The following CACNA1C variants were observed in gnomAD, a reference collection of about 807,000 sequenced individuals.
CACNA1C encodes the protein voltage-dependent L-type calcium channel subunit alpha-1C.
CACNA1C carries 30 observed loss-of-function variants against 229.0 expected under a neutral mutation model. The ratio of observed to expected loss-of-function variants is 0.13; its 90% confidence interval spans 0.10 to 0.18. The LOEUF is 0.18. CACNA1C is among the 10% of genes least tolerant of loss of function. The probability of loss-of-function intolerance (pLI) is 1.00; values close to 1 mark genes in which losing one functional copy is unlikely to be tolerated. For synonymous variants in CACNA1C, 1,114 were observed against 1,132.5 expected, an observed-to-expected ratio of 0.98 and a Z score of 0.33; for missense variants, 1,658 against 2,845.0, an observed-to-expected ratio of 0.58 and a Z score of 9.49.
intron 3 of CACNA1C, among the ~76,000 whole-genome samples, chr12:2,303,565 G>T (rs549161472): frequency 6.6e-6 from 1 of 151,900 alleles, no homozygotes. Flanking sequence ...AGGAGTTCGC[G>T]ACCAGCCCGG....
upstream of CACNA1C, among the ~76,000 whole-genome samples, chr12:2,052,701 C>G (rs2052577142): frequency 6.9e-6 from 1 of 145,652 alleles, no homozygotes; most frequent in Non-Finnish European, 1.5e-5. Context: ...CCTCGCCCGC[C>G]GGCGGCCGGG....
chr12:2,171,426 G>A (rs573306921), intron 3 of CACNA1C, among the ~76,000 whole-genome samples: 7 of 152,308 alleles, frequency 4.6e-5, no homozygotes, highest in African/African-American at 1.7e-4. Flanking sequence ...GGAGGGATGA[G>A]CATTCTGCAG....
chr12:2,357,961 ACT>A (rs2097429598), intron 3 of CACNA1C, among the ~76,000 whole-genome samples: 1 of 132,774 alleles, frequency 7.5e-6, no homozygotes, highest in African/African-American at 2.9e-5. Context: ...CAAGAGTGAA[ACT>A]CAGTCTCAAA....
chr12:2,493,102 C>A lies in CACNA1C; in HGVS notation c.917-88C>A. 8.7e-7 allele frequency: 1 copy of A among 1,145,426 alleles called. No homozygotes were observed. Among genetic ancestry groups the A allele is most frequent in the Non-Finnish European group, 1.3e-6 (1 of 771,992 alleles). 71.0% of individuals were successfully genotyped at this position (1,145,426 alleles called of 1,614,324 possible). On this transcript the variant is annotated intron_variant, in intron 6 of 46. Coordinates refer to ENST00000399655, the MANE Select transcript of CACNA1C (RefSeq NM_000719.7). This position sits in a 1 kb window ranked among gnomAD's most constrained non-coding sequence, Gnocchi z 4.6. ...GCTTTGCCCATCCCATCAACCTCAT[C>A]CTGTCACTTTTCTCTCTGACTTCTT...
At chr12:2,542,195 C>G (rs2099872257) in intron 9 of CACNA1C, among the ~76,000 whole-genome samples, 1 of 152,194 alleles carries the variant, frequency 6.6e-6, no homozygotes, top group African/African-American at 2.4e-5. Flanking sequence ...GCCAAAACCC[C>G]TTCTGGAGTC....
chr12:2,574,289 C>T (rs1168669433), intron 13 of CACNA1C, among the ~76,000 whole-genome samples: 1 of 152,164 alleles, frequency 6.6e-6, no homozygotes, highest in African/African-American at 2.4e-5. Flanking sequence ...CTTGGTGCTG[C>T]CCAGATTCAA....
intron 3 of CACNA1C, among the ~76,000 whole-genome samples, chr12:2,435,887 T>C (rs1276644377): frequency 6.6e-6 from 1 of 152,208 alleles, no homozygotes; most frequent in African/African-American, 2.4e-5. Context: ...TCGTGCCATG[T>C]ACCAACATCC....
intron 1 of CACNA1C, among the ~76,000 whole-genome samples, chr12:2,065,158 G>T (rs1336010777): frequency 6.6e-6 from 1 of 152,216 alleles, no homozygotes; most frequent in Non-Finnish European, 1.5e-5. Flanking sequence ...ATATCTGGCT[G>T]CCTGAGACAT....
intron 9 of CACNA1C, among the ~76,000 whole-genome samples, chr12:2,526,872 G>A (rs577796740): frequency 3.3e-5 from 5 of 152,148 alleles, no homozygotes; most frequent in South Asian, 4.2e-4. Context: ...TAGTTCCTCC[G>A]ACTGAAGAAA....
intron 46 of CACNA1C, 69 bp from the exon 47 acceptor site, chr12:2,690,830 TC>T: frequency 7.0e-7 from 1 of 1,434,114 alleles, no homozygotes; most frequent in Non-Finnish European, 9.3e-7. Context: ...GCTCTAGCCC[TC>T]AAGGGAAGAG....
chr12:2,686,111 C>A lies in CACNA1C; in HGVS notation c.5681-55C>A, dbSNP rs2097463466. 6 of 1,392,994 alleles carry A rather than the reference C, an allele frequency of 4.3e-6. No homozygotes were observed. The Admixed American group carries it at 5.0e-5, about 12-fold the overall frequency. 86.3% of individuals were successfully genotyped at this position (1,392,994 alleles called of 1,614,324 possible). A position where few individuals can be genotyped will look rare whatever the true frequency, so the allele number is the denominator to read the frequency against. On this transcript the variant is annotated intron_variant, in intron 44 of 46. Transcript: ENST00000399655. The stretch of plus-strand genomic sequence containing the variant: ...CACCCCACCAGGGTGTAAACTGTCA[C>A]AGGCCAGTGCCCTGTTTTCCTGCCC...
At chr12:2,455,731 G>A (rs185183287) in intron 4 of CACNA1C, among the ~76,000 whole-genome samples, 93 of 152,152 alleles carry the variant, frequency 6.1e-4, no homozygotes, top group African/African-American at 1.9e-3. Context: ...CCCAGCGGTC[G>A]GTGTCCAGCC....
intron 3 of CACNA1C, among the ~76,000 whole-genome samples, chr12:2,400,565 G>A (rs910235710): frequency 1.6e-4 from 25 of 152,158 alleles, no homozygotes; most frequent in Admixed American, 1.2e-3. Context: ...GGGCTGCTAC[G>A]AATACAGAAC....
intron 1 of CACNA1C, among the ~76,000 whole-genome samples, chr12:1,976,567 G>A (rs765655315): frequency 2.0e-5 from 3 of 152,132 alleles, no homozygotes; most frequent in Non-Finnish European, 4.4e-5. Context: ...TTAAGGTCTT[G>A]TCTTCCTGGG....
rs959977721 is a variant in CACNA1C, at chr12:2,054,038, AGC to A, written c.49+440_49+441del. Reference sequence around the variant, plus strand: ...TCGCCCGGCTCGGGGCGCGGCTGGGAGCGCGCGCGCGCGCACCCTGCGCCGGC... The same window carrying A: ...TCGCCCGGCTCGGGGCGCGGCTGGGAGCGCGCGCGCGCACCCTGCGCCGGC... On this transcript the variant is annotated intron_variant, in intron 1 of 46. Coordinates refer to ENST00000399655, the MANE Select transcript of CACNA1C (RefSeq NM_000719.7). The surrounding 1 kb of genome is among the most constrained non-coding windows in gnomAD (Gnocchi z 5.5). Among the ~76,000 whole-genome samples, 6 of 145,872 alleles carry A rather than the reference AGC, an allele frequency of 4.1e-5. No individual in the cohort carries two copies. The highest frequency in any genetic ancestry group is 2.1e-4 in the South Asian group (1 of 4,776).
At chr12:2,604,306 T>C (rs1390510322) in intron 22 of CACNA1C, among the ~76,000 whole-genome samples, 4 of 152,128 alleles carry the variant, frequency 2.6e-5, no homozygotes, top group African/African-American at 4.8e-5. Context: ...GAAAAACTTT[T>C]GCTTCTGAGA....
At chr12:2,019,577 A>AAG (rs1166962435) in intron 1 of CACNA1C, among the ~76,000 whole-genome samples, 7 of 117,426 alleles carry the variant, frequency 6.0e-5, no homozygotes, top group Admixed American at 5.1e-4. Context: ...AAAGAAAAGA[A>AAG]AGAGAGAGAG....
chr12:2,653,810 G>T lies in CACNA1C; in HGVS notation c.4075-25G>T, dbSNP rs755824673. On this transcript the variant is annotated intron_variant, in intron 32 of 46. Transcript: ENST00000399655. This position sits in a 1 kb window ranked among gnomAD's most constrained non-coding sequence, Gnocchi z 4.7. ...GCTGGCCTCTGCACTCCAGCCTCATGGGAGTCTCCTGCACTTCCTTCCAGG... is the reference window on the plus strand; with the variant it reads ...GCTGGCCTCTGCACTCCAGCCTCATTGGAGTCTCCTGCACTTCCTTCCAGG... 6.2e-7 allele frequency: 1 copy of T among 1,609,762 alleles called. No individual in the cohort carries two copies. The highest frequency in any genetic ancestry group is 2.2e-5 in the East Asian group (1 of 44,854).
At chr12:2,112,814 A>G (rs1039926580) in intron 1 of CACNA1C, among the ~76,000 whole-genome samples, 1 of 152,196 alleles carries the variant, frequency 6.6e-6, no homozygotes, top group Admixed American at 6.5e-5. Flanking sequence ...CCTTAAGTAT[A>G]TAGCATTGTG....
Sources: allele counts gnomAD v4.1 joint callset (sites outside exome capture counted in the v4.1 genomes callset), GRCh38; gene constraint gnomAD v4.1.1; non-coding constraint Gnocchi (gnomAD v3.1); transcripts MANE v1.5; gene names NCBI Gene and HGNC (gene_info 2026-07-23, HGNC 2026-07-21).